SHTN1: variants seen among roughly 807,000 people sequenced by gnomAD.
The protein encoded by SHTN1 is shootin-1.
In SHTN1, 42 loss-of-function variants were observed where a neutral mutation model predicts 83.1. That is an observed-to-expected ratio of 0.51 (90% confidence interval 0.39 to 0.65). SHTN1 has a LOEUF of 0.65. Ranked by LOEUF, SHTN1 falls within the 30% of genes least tolerant of loss-of-function variation. The probability of loss-of-function intolerance (pLI) is 0.00; values close to 1 mark genes in which losing one functional copy is unlikely to be tolerated. For synonymous variants in SHTN1, 224 were observed against 247.7 expected (o/e 0.90, Z 0.90); for missense variants, 622 against 737.8 (o/e 0.84, Z 1.82).
intron 5 of SHTN1, among the ~76,000 whole-genome samples, chr10:116,952,287 A>T (rs1320632288): frequency 6.6e-6 from 1 of 152,184 alleles, no homozygotes; most frequent in African/African-American, 2.4e-5. Context: ...ATTCTAGAAA[A>T]CTATCTAGCA....
At chr10:117,109,017 G>A (rs1203049456) in intron 1 of SHTN1, among the ~76,000 whole-genome samples, 1 of 152,172 alleles carries the variant, frequency 6.6e-6, no homozygotes, top group Non-Finnish European at 1.5e-5. Flanking sequence ...AGACACTAGT[G>A]GTGGGCCGCT....
chr10:117,123,918 A>T (rs1853967418), intron 1 of SHTN1, among the ~76,000 whole-genome samples: 1 of 148,822 alleles, frequency 6.7e-6, no homozygotes, highest in Non-Finnish European at 1.5e-5. Flanking sequence ...AAAAAAAAAA[A>T]AAAAAATTGC....
intron 1 of SHTN1, among the ~76,000 whole-genome samples, chr10:117,093,404 G>A (rs778109114): frequency 5.3e-5 from 8 of 152,036 alleles, no homozygotes; most frequent in Non-Finnish European, 7.3e-5. Context: ...AAAAAGCCAC[G>A]TATCATGGTG....
chr10:116,953,635 T>G (rs1266311383), intron 5 of SHTN1, among the ~76,000 whole-genome samples: 3 of 143,194 alleles, frequency 2.1e-5, no homozygotes, highest in African/African-American at 7.6e-5. Context: ...TTTTTTTTTT[T>G]TTTTTTTTTT....
intron 1 of SHTN1, among the ~76,000 whole-genome samples, chr10:117,061,135 C>CTTTTTTTTTTTTTTTTTTTTT (rs5788206): frequency 3.1e-5 from 4 of 127,264 alleles, no homozygotes; most frequent in Non-Finnish European, 5.1e-5. Flanking sequence ...AAGCTTTAGT[C>CTTTTTTTTTTTTTTTTTTTTT]TTTTTTTTTT....
At position 116,901,796 on chromosome 10, in the gene SHTN1, C is replaced by T. The variant is rs1847748180; in HGVS notation, c.1642G>A (p.Glu548Lys). Residue 548 changes from glutamate to lysine, a missense_variant, in exon 16 of 17, where the codon GAA becomes AAA. By Grantham distance (56) the Glu-to-Lys change is moderately conservative. Coordinates refer to ENST00000355371, the MANE Select transcript of SHTN1 (RefSeq NM_001127211.3). ...PEPGEGPRKLEGCTSSKVTFQ... is the reference protein window; with the variant it reads ...PEPGEGPRKLKGCTSSKVTFQ... ...GTAACCTTGGAACTTGTGCATCCTT[C>T]CAATTTACGGGGCCCTTCACCTGGC... 1 of 1,602,468 alleles carries T rather than the reference C, an allele frequency of 6.2e-7. No homozygotes were observed. Among genetic ancestry groups the T allele is most frequent in the Non-Finnish European group, 8.5e-7 (1 of 1,176,608 alleles).
At chr10:116,895,233 A>AAAT (rs1847476951) in intron 16 of SHTN1, among the ~76,000 whole-genome samples, 1 of 152,166 alleles carries the variant, frequency 6.6e-6, no homozygotes, top group African/African-American at 2.4e-5. Flanking sequence ...AAGGTATTTG[A>AAAT]CTTCTGGGAA....
At chr10:116,983,392 T>A (rs925518752) in intron 1 of SHTN1, among the ~76,000 whole-genome samples, 10 of 151,942 alleles carry the variant, frequency 6.6e-5, no homozygotes, top group African/African-American at 2.4e-4. Context: ...ACAGGAAAAA[T>A]TTCCAGGGTA....
chr10:117,015,611 G>A (rs573785819), intron 2 of SHTN1, among the ~76,000 whole-genome samples: 51 of 152,246 alleles, frequency 3.3e-4, no homozygotes, highest in East Asian at 7.7e-4. Flanking sequence ...GATTACAGGC[G>A]TGAGCCACCG....
chr10:117,040,502 ATAAAAT>A (rs1160848313), intron 2 of SHTN1, among the ~76,000 whole-genome samples: 2 of 152,256 alleles, frequency 1.3e-5, no homozygotes, highest in Non-Finnish European at 1.5e-5. Flanking sequence ...AATGGCTAAA[ATAAAAT>A]TAAAAGAATG....
At chr10:116,888,074 C>T (rs534108933) in intron 16 of SHTN1, among the ~76,000 whole-genome samples, 4 of 152,324 alleles carry the variant, frequency 2.6e-5, no homozygotes, top group Admixed American at 2.0e-4. Flanking sequence ...ATGTGTGGCT[C>T]GGTCATCATC....
At chr10:117,029,225 C>T (rs1467170705) in intron 2 of SHTN1, among the ~76,000 whole-genome samples, 1 of 152,168 alleles carries the variant, frequency 6.6e-6, no homozygotes, top group Non-Finnish European at 1.5e-5. Flanking sequence ...TTTTTTATGG[C>T]CAATGCCTCC....
chr10:117,046,189 C>T (rs975339227), intron 2 of SHTN1, among the ~76,000 whole-genome samples: 2 of 152,016 alleles, frequency 1.3e-5, no homozygotes, highest in African/African-American at 4.8e-5. Context: ...GATAAACACA[C>T]ACACACAAAA....
chr10:116,999,430 G>T (rs145842889), intron 1 of SHTN1, among the ~76,000 whole-genome samples: 174 of 152,290 alleles, frequency 1.1e-3, no homozygotes, highest in African/African-American at 3.9e-3. Flanking sequence ...TAAGAGAAAA[G>T]ATCTTGGATA....
intron 1 of SHTN1, among the ~76,000 whole-genome samples, chr10:117,083,164 C>T (rs1379923049): frequency 2.7e-5 from 4 of 147,652 alleles, no homozygotes; most frequent in East Asian, 3.9e-4. Context: ...GATTTTGCAG[C>T]GGCTGGTACC....
chr10:116,957,854 G>GT (rs1229622605), intron 4 of SHTN1, among the ~76,000 whole-genome samples: 1 of 152,122 alleles, frequency 6.6e-6, no homozygotes, highest in Non-Finnish European at 1.5e-5. Flanking sequence ...GAGGTCAGGA[G>GT]TTTGAGACCA....
intron 1 of SHTN1, among the ~76,000 whole-genome samples, chr10:117,111,288 A>ATTTC (rs1004599733): frequency 1.8e-4 from 28 of 151,498 alleles, no homozygotes; most frequent in East Asian, 5.9e-4. Flanking sequence ...AAGAATGTGC[A>ATTTC]TTTCTTTCTT....
At chr10:117,006,544 T>TGACA (rs1852015030), upstream of SHTN1, among the ~76,000 whole-genome samples, 1 of 132,252 alleles carries the variant, frequency 7.6e-6, no homozygotes, top group African/African-American at 2.9e-5. Flanking sequence ...CCAGCCTGGG[T>TGACA]GACAGAGTGA....
At chr10:116,943,916 T>A (rs570809597) in intron 8 of SHTN1, among the ~76,000 whole-genome samples, 4 of 151,948 alleles carry the variant, frequency 2.6e-5, no homozygotes, top group African/African-American at 9.7e-5. Context: ...GAACTCCTCA[T>A]CCCCCTGGAT....
Sources: gnomAD v4.1 joint callset for allele counts (sites outside exome capture counted in the v4.1 genomes callset) on GRCh38, gnomAD v4.1.1 for gene constraint, MANE v1.5 for transcripts, NCBI Gene and HGNC (gene_info 2026-07-23, HGNC 2026-07-21) for gene names.